LTA: variants seen among roughly 807,000 people sequenced by gnomAD.
The protein encoded by LTA is lymphotoxin-alpha.
Under a neutral mutation model 15.1 loss-of-function variants are expected in LTA, and 6 were observed. The observed-to-expected ratio is 0.40, with a 90% confidence interval of 0.22 to 0.78. The LOEUF (loss-of-function observed/expected upper bound fraction) is 0.78, where lower values mean the gene tolerates loss of function less well. Ranked by LOEUF, LTA falls within the 30% of genes least tolerant of loss-of-function variation. LTA has a pLI of 0.38. For missense variants in LTA, 173 were observed against 249.5 expected, an observed-to-expected ratio of 0.69 and a Z score of 2.06; for synonymous variants, 87 against 107.3, an observed-to-expected ratio of 0.81 and a Z score of 1.17.
At chr6:31,570,615 T>TA (rs1359794715), upstream of LTA, among the ~76,000 whole-genome samples, 1 of 152,208 alleles carries the variant, frequency 6.6e-6, no homozygotes, top group Non-Finnish European at 1.5e-5. Flanking sequence ...ATGTTCGTGT[T>TA]AGACATTTTT....
the LTA span, among the ~76,000 whole-genome samples, chr6:31,565,935 T>G: frequency 6.6e-6 from 1 of 152,120 alleles, no homozygotes; most frequent in Non-Finnish European, 1.5e-5. Flanking sequence ...ATCCCAGCAC[T>G]TTGGGAGGCC....
At chr6:31,564,511 C>T in the LTA span, among the ~76,000 whole-genome samples, 2 of 151,652 alleles carry the variant, frequency 1.3e-5, no homozygotes, top group African/African-American at 2.4e-5. Flanking sequence ...TCTCGATCTC[C>T]TGACCTCGTG....
At chr6:31,566,637 T>G in the LTA span, among the ~76,000 whole-genome samples, 3 of 81,972 alleles carry the variant, frequency 3.7e-5, no homozygotes, top group Admixed American at 1.3e-4. Flanking sequence ...GATTCTGTCT[T>G]AAAAGAAAAA....
upstream of LTA, among the ~76,000 whole-genome samples, chr6:31,570,355 G>T (rs997306295): frequency 6.6e-6 from 1 of 152,094 alleles, no homozygotes; most frequent in Non-Finnish European, 1.5e-5. Flanking sequence ...ACCCCTCAGG[G>T]ACCTTGTGCC....
chr6:31,572,348 C>G lies in LTA; in HGVS notation c.-108C>G. On this transcript the variant is annotated 5_prime_UTR_variant, in exon 1 of 4. Transcript: ENST00000418386. ...CTCCTTGGGCTGCCCGTGCTTCGTGCTTTGGACTACCGCCCAGCAGTGTCC... is the reference window on the plus strand; with the variant it reads ...CTCCTTGGGCTGCCCGTGCTTCGTGGTTTGGACTACCGCCCAGCAGTGTCC... The G allele has an allele frequency of 3.2e-6, 1 of 310,790 alleles. No homozygotes were observed. Among genetic ancestry groups the G allele is most frequent in the South Asian group, 6.5e-5 (1 of 15,268 alleles). 19.3% of individuals were successfully genotyped at this position (310,790 alleles called of 1,614,324 possible). A position where few individuals can be genotyped will look rare whatever the true frequency, so the allele number is the denominator to read the frequency against.
intron 1 of LTA, 33 bp from the exon 2 acceptor site, chr6:31,572,701 A>T: frequency 2.8e-6 from 4 of 1,411,170 alleles, no homozygotes; most frequent in African/African-American, 1.5e-5. Flanking sequence ...CGCCCCGCTC[A>T]CTGTCTCTCT....
rs892923006 is a variant in LTA, at chr6:31,573,834, C to T, written c.*141C>T. 1.9e-5 allele frequency: 19 copies of T among 1,002,468 alleles called. 1 individual carries two copies. The highest frequency in any genetic ancestry group is 2.0e-4 in the Middle Eastern group (1 of 4,992). 62.1% of individuals were successfully genotyped at this position (1,002,468 alleles called of 1,614,324 possible). ...CTCAAGTCTTCCCTGATCAAGTCAC[C>T]GGAGCTTTCAAAGAAGGAATTCTAG... is the stretch of plus-strand genomic sequence containing the variant. On this transcript the variant is annotated 3_prime_UTR_variant, in exon 4 of 4. Transcript: ENST00000418386.
At chr6:31,563,587 C>A in the LTA span, among the ~76,000 whole-genome samples, 1 of 152,118 alleles carries the variant, frequency 6.6e-6, no homozygotes, top group Non-Finnish European at 1.5e-5. Flanking sequence ...GACAAAGCCC[C>A]AAGAATGAGA....
the LTA span, among the ~76,000 whole-genome samples, chr6:31,561,840 G>A: frequency 6.6e-6 from 1 of 152,058 alleles, no homozygotes. Flanking sequence ...TAATGTATAG[G>A]TATGCCTGCT....
chr6:31,570,905 A>AGGGAGGGGGCATGAGGGAACC (rs1770795388), upstream of LTA, among the ~76,000 whole-genome samples: 1 of 152,082 alleles, frequency 6.6e-6, no homozygotes, highest in East Asian at 1.9e-4. Flanking sequence ...GGGTATCAGC[A>AGGGAGGGGGCATGAGGGAACC]GGGAGGGGGC....
chr6:31,564,403 C>T, the LTA span, among the ~76,000 whole-genome samples: 1 of 152,128 alleles, frequency 6.6e-6, no homozygotes, highest in Non-Finnish European at 1.5e-5. Flanking sequence ...CCTCAGCCTT[C>T]CGAGTAGCTG....
chr6:31,570,308 A>C (rs1052593363), upstream of LTA, among the ~76,000 whole-genome samples: 4 of 152,170 alleles, frequency 2.6e-5, no homozygotes, highest in African/African-American at 9.7e-5. Flanking sequence ...ATACACACCC[A>C]GAATGTTACT....
chr6:31,569,751 C>T (rs1279154766), upstream of LTA, among the ~76,000 whole-genome samples: 3 of 150,420 alleles, frequency 2.0e-5, no homozygotes, highest in East Asian at 2.0e-4. Context: ...GAGCCAAGAT[C>T]GTGCCACTGC....
upstream of LTA, among the ~76,000 whole-genome samples, chr6:31,571,632 T>C (rs1680111073): frequency 6.6e-6 from 1 of 151,458 alleles, no homozygotes; most frequent in Admixed American, 6.5e-5. Context: ...CTCATCATAC[T>C]TGACTGTCCA....
chr6:31,561,674 G>A, the LTA span, among the ~76,000 whole-genome samples: 50 of 151,174 alleles, frequency 3.3e-4, no homozygotes, highest in African/African-American at 1.1e-3. Context: ...CTGGGTGACA[G>A]AGCAAGACTC....
chr6:31,570,238 G>A (rs768406635), upstream of LTA, among the ~76,000 whole-genome samples: 1 of 152,186 alleles, frequency 6.6e-6, no homozygotes, highest in Non-Finnish European at 1.5e-5. Flanking sequence ...GCTAAGACTA[G>A]TAAAGCATAA....
chr6:31,572,657 C>CGTAT, intron 1 of LTA, 77 bp from the exon 2 acceptor site: 2 of 1,018,524 alleles, frequency 2.0e-6, no homozygotes, highest in Non-Finnish European at 3.0e-6. Flanking sequence ...GTGCTCTCTC[C>CGTAT]CAGGGCGGGA....
the LTA span, among the ~76,000 whole-genome samples, chr6:31,561,039 G>A: frequency 3.9e-5 from 6 of 152,312 alleles, no homozygotes; most frequent in African/African-American, 1.4e-4. Flanking sequence ...TAATGAATGG[G>A]TTCACTAGGT....
chr6:31,573,271 C>T lies in LTA; in HGVS notation c.206-10C>T, dbSNP rs757516608. On this transcript the variant is annotated splice_polypyrimidine_tract_variant and intron_variant, in intron 3 of 3. Transcript: ENST00000418386. ...GATCTCCCACCCCCATCCCCTATGGCTCTTCCTAGGAGACCCCAGCAAGCA... is the reference window on the plus strand; with the variant it reads ...GATCTCCCACCCCCATCCCCTATGGTTCTTCCTAGGAGACCCCAGCAAGCA... The T allele has an allele frequency of 2.5e-6, 4 of 1,605,878 alleles. No homozygotes were observed. In the African/African-American group the frequency reaches 4.0e-5, roughly 16 times the overall value.
Sources: allele counts gnomAD v4.1 joint callset (sites outside exome capture counted in the v4.1 genomes callset), GRCh38; gene constraint gnomAD v4.1.1; transcripts MANE v1.5; gene names NCBI Gene and HGNC (gene_info 2026-07-23, HGNC 2026-07-21).